YPEL5: variants seen among roughly 807,000 people sequenced by gnomAD.
YPEL5 encodes yippee like 5, also known as protein yippee-like 5.
A neutral mutation model predicts 10.5 loss-of-function variants in YPEL5; 1 was observed. The observed-to-expected ratio is 0.10, with a 90% CI of 0.03 to 0.45. The LOEUF (loss-of-function observed/expected upper bound fraction) is 0.45. YPEL5 is among the 20% of genes least tolerant of loss of function. The pLI is 0.97. For synonymous variants in YPEL5, 61 were observed against 56.6 expected, an observed-to-expected ratio of 1.08 and a Z score of -0.35; for missense variants, 68 against 159.3, an observed-to-expected ratio of 0.43 and a Z score of 3.09.
chr2:30,158,489 T>A (rs1676141941), intron 2 of YPEL5, 130 bp from the exon 3 acceptor site: 4 of 842,764 alleles, frequency 4.7e-6, no homozygotes, highest in Non-Finnish European at 7.5e-6. Flanking sequence ...TTGCGTATTA[T>A]AGGTTTGACT....
chr2:30,157,588 C>T (rs910046189), intron 2 of YPEL5, among the ~76,000 whole-genome samples: 130 of 152,298 alleles, frequency 8.5e-4, no homozygotes, highest in African/African-American at 3.0e-3. Flanking sequence ...GCCCAGTCTG[C>T]CTGTCTCTCT....
intron 1 of YPEL5, among the ~76,000 whole-genome samples, chr2:30,149,871 C>T (rs1228338656): frequency 6.6e-6 from 1 of 152,190 alleles, no homozygotes; most frequent in Non-Finnish European, 1.5e-5. Context: ...ATGGAAATGC[C>T]CTGAGGCGAT....
At chr2:30,157,432 A>G (rs1413660757) in intron 2 of YPEL5, among the ~76,000 whole-genome samples, 2 of 152,224 alleles carry the variant, frequency 1.3e-5, no homozygotes, top group Admixed American at 6.5e-5. Flanking sequence ...GTTTATCCAT[A>G]TAGGGAGATG....
rs138392260 is a variant in YPEL5 at position 30,156,678 on chromosome 2, C to A, written c.27C>A (p.Ile9=). The change falls in exon 2 of 3, where the codon ATC becomes ATA. Residue 9 remains isoleucine (I), a synonymous_variant. Transcript: ENST00000261353. ...TGGGCAGAATTTTCCTTGATCATATCGGTGGTACCCGTCTGTTTTCTTGTG... is the reference window on the plus strand; with the variant it reads ...TGGGCAGAATTTTCCTTGATCATATAGGTGGTACCCGTCTGTTTTCTTGTG... MGRIFLDH[I]GGTRLFSCAN... 1 of 1,614,150 alleles carries A rather than the reference C, an allele frequency of 6.2e-7. No homozygotes were observed. The highest frequency in any genetic ancestry group is 2.2e-5 in the East Asian group (1 of 44,888).
rs776867722 is a variant in YPEL5 at position 30,158,980 on chromosome 2, C to CCTTT, written c.*154_*157dup. ...GAGGTTGTGAGAATCTAAGATGGAA[C>CCTTT]CTTTCTTTCTTTCTTTCTTTTTTTT... is the stretch of plus-strand genomic sequence containing the variant. On this transcript the variant is annotated 3_prime_UTR_variant, in exon 3 of 3. Transcript: ENST00000261353. 3.0e-5 allele frequency: 24 copies of CCTTT among 793,926 alleles called. No homozygotes were observed. The highest frequency in any genetic ancestry group is 3.6e-4 in the Middle Eastern group (1 of 2,776). The allele number at this position is 793,926 out of a possible 1,614,324, so 49.2% of individuals were successfully genotyped here.
chr2:30,151,299 CT>C lies in YPEL5; in HGVS notation c.-25+4238del, dbSNP rs113072123. On this transcript the variant is annotated intron_variant, in intron 1 of 2. Transcript: ENST00000261353. The stretch of plus-strand genomic sequence containing the variant: ...GAAGAGAATCATCTTTTTTTTTCCC[CT>C]CTTACAGATTCTGTAATTAAAAAAA... Among the ~76,000 whole-genome samples, 262 of 151,106 alleles carry C rather than the reference CT, an allele frequency of 1.7e-3. 1 individual carries two copies. Among genetic ancestry groups the C allele is most frequent in the African/African-American group, 6.2e-3 (256 of 41,282 alleles).
chr2:30,160,158 T>C lies in YPEL5; in HGVS notation c.*1315T>C, dbSNP rs995433047. On this transcript the variant is annotated 3_prime_UTR_variant, in exon 3 of 3. Transcript: ENST00000261353. The stretch of plus-strand genomic sequence containing the variant: ...CGGTAAAATTGGCTAATTATTTGAA[T>C]GAATGAATGGATGGATGTTTTGCAT... 1 of 152,620 alleles carries C rather than the reference T, an allele frequency of 6.6e-6. No individual in the cohort carries two copies. The highest frequency in any genetic ancestry group is 1.5e-5 in the Non-Finnish European group (1 of 68,032). 9.5% of individuals were successfully genotyped at this position (152,620 alleles called of 1,614,324 possible). A position where few individuals can be genotyped will look rare whatever the true frequency, so the allele number is the denominator to read the frequency against.
chr2:30,153,659 G>C (rs984717289), intron 1 of YPEL5, among the ~76,000 whole-genome samples: 6 of 152,206 alleles, frequency 3.9e-5, no homozygotes, highest in African/African-American at 1.4e-4. Flanking sequence ...ACCTTTGACA[G>C]CAAGTGATGT....
At chr2:30,147,593 C>G (rs1675507060) in intron 1 of YPEL5, 1 of 151,656 alleles carries the variant, frequency 6.6e-6, no homozygotes. Context: ...GCCGCGATGA[C>G]CGCACGGCGT....
chr2:30,153,363 C>T (rs528199906), intron 1 of YPEL5, among the ~76,000 whole-genome samples: 4 of 152,316 alleles, frequency 2.6e-5, no homozygotes, highest in South Asian at 4.1e-4. Flanking sequence ...CTTTTAGCTT[C>T]GTCCTCACAT....
At chr2:30,156,936 G>A (rs559620123) in intron 2 of YPEL5, 144 bp downstream of exon 2, 148 of 976,644 alleles carry the variant, frequency 1.5e-4, no homozygotes, top group Non-Finnish European at 2.1e-4. Context: ...CCACTAGCTC[G>A]TCTTTGATGG....
chr2:30,148,016 G>C (rs1477793381), intron 1 of YPEL5: 2 of 152,156 alleles, frequency 1.3e-5, no homozygotes, highest in African/African-American at 2.4e-5. Context: ...CCAGCTTCGG[G>C]CTGCGGCCTT....
chr2:30,158,591 A>C, intron 2 of YPEL5, 28 bp from the exon 3 acceptor site: 9 of 1,606,488 alleles, frequency 5.6e-6, no homozygotes, highest in Non-Finnish European at 7.7e-6. Flanking sequence ...CATGCCTTGC[A>C]ATTTTGATTT....
At chr2:30,154,619 A>G (rs1208904663) in intron 1 of YPEL5, among the ~76,000 whole-genome samples, 2 of 152,232 alleles carry the variant, frequency 1.3e-5, no homozygotes, top group South Asian at 2.1e-4. Flanking sequence ...ACATGTCCAC[A>G]TATGTTTTTT....
intron 1 of YPEL5, chr2:30,148,581 A>G (rs867604654): frequency 6.6e-6 from 1 of 152,366 alleles, no homozygotes; most frequent in South Asian, 2.1e-4. Context: ...TAGTTTCTCT[A>G]GAAGCTTATA....
chr2:30,154,913 A>G (rs1675970983), intron 1 of YPEL5, among the ~76,000 whole-genome samples: 1 of 152,026 alleles, frequency 6.6e-6, no homozygotes, highest in Non-Finnish European at 1.5e-5. Flanking sequence ...TAATTTTTGT[A>G]TTTTTAATAG....
chr2:30,156,571 G>A, intron 1 of YPEL5, 57 bp from the exon 2 acceptor site: 4 of 1,521,632 alleles, frequency 2.6e-6, no homozygotes, highest in South Asian at 2.3e-5. Context: ...CACCCCCCAA[G>A]TAGGTGCTAA....
At chr2:30,152,718 A>G (rs1056526833) in intron 1 of YPEL5, among the ~76,000 whole-genome samples, 15 of 152,222 alleles carry the variant, frequency 9.9e-5, no homozygotes. Context: ...TACCTACTTT[A>G]AAAATTGTCA....
At chr2:30,153,410 A>G (rs908864165) in intron 1 of YPEL5, among the ~76,000 whole-genome samples, 1 of 152,220 alleles carries the variant, frequency 6.6e-6, no homozygotes, top group Non-Finnish European at 1.5e-5. Context: ...GGACCCTTTT[A>G]TAAGGATAGT....
Sources: gnomAD v4.1 joint callset for allele counts (sites outside exome capture counted in the v4.1 genomes callset) on GRCh38, gnomAD v4.1.1 for gene constraint, MANE v1.5 for transcripts, NCBI Gene and HGNC (gene_info 2026-07-23, HGNC 2026-07-21) for gene names.